CTNNA2: variants seen among roughly 807,000 people sequenced by gnomAD.
CTNNA2 encodes catenin alpha-2.
Under a neutral mutation model 101.0 loss-of-function variants are expected in CTNNA2, and 42 were observed. The observed-to-expected ratio is 0.42, with a 90% CI of 0.32 to 0.54. The LOEUF is 0.54. CTNNA2 is among the 20% of genes least tolerant of loss of function. The pLI, the probability that CTNNA2 is intolerant of heterozygous loss-of-function variation, is 0.14. For synonymous variants in CTNNA2, 450 were observed against 456.4 expected, an observed-to-expected ratio of 0.99 and a Z score of 0.18; for missense variants, 871 against 1,223.1, an observed-to-expected ratio of 0.71 and a Z score of 4.29.
At chr2:80,076,464 G>T (rs1350737897) in intron 7 of CTNNA2, among the ~76,000 whole-genome samples, 1 of 151,526 alleles carries the variant, frequency 6.6e-6, no homozygotes, top group African/African-American at 2.4e-5. Context: ...TCTTTATTTT[G>T]TAAAACAGAG....
At chr2:79,617,014 G>A (rs2104253264) in intron 1 of CTNNA2, among the ~76,000 whole-genome samples, 1 of 151,714 alleles carries the variant, frequency 6.6e-6, no homozygotes, top group East Asian at 2.0e-4. Context: ...CGATTCTCCT[G>A]CCTCAGCCAC....
chr2:79,936,270 C>A (rs7562965), intron 7 of CTNNA2, among the ~76,000 whole-genome samples: 356 of 144,732 alleles, frequency 2.5e-3, no homozygotes, highest in African/African-American at 8.4e-3. Context: ...TCTCTGTAGT[C>A]ACCCAGAGAA....
chr2:80,020,195 C>A (rs1442273581), intron 7 of CTNNA2, among the ~76,000 whole-genome samples: 1 of 152,164 alleles, frequency 6.6e-6, no homozygotes, highest in African/African-American at 2.4e-5. Flanking sequence ...CCAAGCACAT[C>A]AAGCAGCAAT....
intron 3 of CTNNA2, among the ~76,000 whole-genome samples, chr2:79,320,611 G>A (rs2104408775): frequency 6.6e-6 from 1 of 152,266 alleles, no homozygotes; most frequent in Admixed American, 6.5e-5. Context: ...ACTCAAAGTA[G>A]GAGACAGCCT....
chr2:80,532,484 T>C (rs1312673462), intron 9 of CTNNA2, among the ~76,000 whole-genome samples: 3 of 152,182 alleles, frequency 2.0e-5, no homozygotes, highest in Non-Finnish European at 4.4e-5. Context: ...TTAACCCTTA[T>C]TTTACTTAAT....
At chr2:79,915,654 G>C (rs1477310639) in intron 7 of CTNNA2, among the ~76,000 whole-genome samples, 1 of 152,186 alleles carries the variant, frequency 6.6e-6, no homozygotes, top group Non-Finnish European at 1.5e-5. Context: ...CAGCTTTACA[G>C]TTTCTGTGGT....
At chr2:79,298,392 C>T (rs1384384053) in intron 2 of CTNNA2, among the ~76,000 whole-genome samples, 5 of 152,136 alleles carry the variant, frequency 3.3e-5, no homozygotes, top group Non-Finnish European at 5.9e-5. Flanking sequence ...ACCAGGTCCA[C>T]CTCCAATGTT....
intron 1 of CTNNA2, among the ~76,000 whole-genome samples, chr2:79,614,739 T>G (rs1678506291): frequency 1.3e-5 from 2 of 152,212 alleles, no homozygotes; most frequent in Non-Finnish European, 2.9e-5. Context: ...TTTTTATATT[T>G]TCTGTAGAAA....
At chr2:79,521,171 T>TATATA (rs1380868826) in intron 1 of CTNNA2, among the ~76,000 whole-genome samples, 1 of 122,792 alleles carries the variant, frequency 8.1e-6, no homozygotes, top group African/African-American at 3.1e-5. Flanking sequence ...TATATATAAA[T>TATATA]TTTAAGGTGC....
At chr2:80,235,874 A>T (rs1709524876) in intron 7 of CTNNA2, among the ~76,000 whole-genome samples, 1 of 152,086 alleles carries the variant, frequency 6.6e-6, no homozygotes, top group Admixed American at 6.6e-5. Context: ...AACTTGTGTC[A>T]TGGGGGTTTG....
At chr2:80,366,449 G>A (rs72912853) in intron 7 of CTNNA2, among the ~76,000 whole-genome samples, 9,730 of 152,186 alleles carry the variant, frequency 0.064, 808 homozygotes, top group African/African-American at 0.19. Context: ...TTTGTATAAA[G>A]TAGTTCACAG....
At chr2:80,368,205 T>C (rs1573861809) in intron 7 of CTNNA2, among the ~76,000 whole-genome samples, 1 of 152,270 alleles carries the variant, frequency 6.6e-6, no homozygotes, top group East Asian at 1.9e-4. Context: ...ATCTTTACCA[T>C]TTTTAGACTT....
chr2:79,977,322 C>A (rs1322092522), intron 7 of CTNNA2, among the ~76,000 whole-genome samples: 1 of 151,970 alleles, frequency 6.6e-6, no homozygotes, highest in African/African-American at 2.4e-5. Context: ...CAGTTTTGCA[C>A]TCCAAGGGAC....
intron 7 of CTNNA2, among the ~76,000 whole-genome samples, chr2:80,314,039 C>T (rs946215421): frequency 6.6e-6 from 1 of 152,120 alleles, no homozygotes; most frequent in East Asian, 1.9e-4. Flanking sequence ...ACACTTGGAG[C>T]CAGGAGTGAG....
At chr2:80,045,723 C>T (rs973328983) in intron 7 of CTNNA2, among the ~76,000 whole-genome samples, 1 of 152,030 alleles carries the variant, frequency 6.6e-6, no homozygotes, top group African/African-American at 2.4e-5. Context: ...GCATAAGAAG[C>T]ACCATTCATA....
chr2:80,014,409 T>A (rs368693039), intron 7 of CTNNA2, among the ~76,000 whole-genome samples: 19 of 141,276 alleles, frequency 1.3e-4, no homozygotes, highest in African/African-American at 4.9e-4. Flanking sequence ...TTTTTTTTTT[T>A]AAAGTTTTCC....
intron 7 of CTNNA2, among the ~76,000 whole-genome samples, chr2:80,316,602 C>G (rs894997275): frequency 1.3e-5 from 2 of 151,986 alleles, no homozygotes; most frequent in Admixed American, 6.6e-5. Flanking sequence ...TAAGTCTGAA[C>G]AGAGAGAGAG....
At chr2:79,896,115 T>G (rs1358643083) in intron 6 of CTNNA2, among the ~76,000 whole-genome samples, 1 of 151,990 alleles carries the variant, frequency 6.6e-6, no homozygotes, top group Admixed American at 6.6e-5. Flanking sequence ...AAACGCTGTA[T>G]CTACAAAAAA....
chr2:80,378,230 C>T (rs1233177511), intron 7 of CTNNA2, among the ~76,000 whole-genome samples: 1 of 151,988 alleles, frequency 6.6e-6, no homozygotes, highest in Non-Finnish European at 1.5e-5. Context: ...TGGTGGCGCG[C>T]CTTTAATCCC....
Sources: gnomAD v4.1 joint callset for allele counts (sites outside exome capture counted in the v4.1 genomes callset) on GRCh38, gnomAD v4.1.1 for gene constraint, MANE v1.5 for transcripts, NCBI Gene and HGNC (gene_info 2026-07-23, HGNC 2026-07-21) for gene names.